The following FAR2 variants were observed in gnomAD, a reference collection of about 807,000 sequenced individuals.
FAR2 encodes the protein fatty acyl-CoA reductase 2.
FAR2 carries 19 observed loss-of-function variants against 56.0 expected under a neutral mutation model. That is an observed-to-expected ratio of 0.34 (90% CI 0.24 to 0.50). FAR2 has a LOEUF of 0.50. Among genes scored for constraint, FAR2 ranks in the 20% least tolerant of loss-of-function variants. The pLI, the probability that FAR2 is intolerant of heterozygous loss-of-function variation, is 0.98. For missense variants in FAR2, 508 were observed against 642.2 expected, an observed-to-expected ratio of 0.79 and a Z score of 2.26; for synonymous variants, 219 against 218.8, an observed-to-expected ratio of 1.00 and a Z score of -0.01.
chr12:29,177,150 A>G (rs1206735124), intron 1 of FAR2, among the ~76,000 whole-genome samples: 1 of 152,242 alleles, frequency 6.6e-6, no homozygotes, highest in Non-Finnish European at 1.5e-5. Context: ...GAATGATGCA[A>G]CAGGAAATGG....
At chr12:29,280,909 G>A (rs574448026) in intron 2 of FAR2, 1 of 152,336 alleles carries the variant, frequency 6.6e-6, no homozygotes, top group South Asian at 2.1e-4. Context: ...GCATAGCTGT[G>A]TGTCCAGGAG....
chr12:29,246,284 GGA>G (rs1425547377), intron 1 of FAR2, among the ~76,000 whole-genome samples: 2 of 151,734 alleles, frequency 1.3e-5, no homozygotes, highest in Non-Finnish European at 2.9e-5. Context: ...TTTTAACACT[GGA>G]AAGCAAGAAC....
At chr12:29,326,463 A>T (rs1486858172) in intron 10 of FAR2, among the ~76,000 whole-genome samples, 2 of 152,210 alleles carry the variant, frequency 1.3e-5, no homozygotes, top group East Asian at 3.8e-4. Context: ...AGAGAATTTT[A>T]GACCAATATC....
intron 1 of FAR2, among the ~76,000 whole-genome samples, chr12:29,198,885 A>G (rs2136614313): frequency 6.6e-6 from 1 of 152,030 alleles, no homozygotes; most frequent in East Asian, 1.9e-4. Context: ...TTTCTCTTCT[A>G]TTTGACCTCT....
intron 8 of FAR2, among the ~76,000 whole-genome samples, chr12:29,312,686 G>A (rs1949374166): frequency 6.6e-6 from 1 of 152,176 alleles, no homozygotes; most frequent in Non-Finnish European, 1.5e-5. Context: ...TGGAAATAGA[G>A]TTGAGTACAA....
chr12:29,168,123 G>A (rs562121826), intron 1 of FAR2, among the ~76,000 whole-genome samples: 96 of 152,180 alleles, frequency 6.3e-4, no homozygotes, highest in Non-Finnish European at 1.2e-3. Flanking sequence ...AGTAAACACA[G>A]ATGCCAGGGA....
chr12:29,254,587 A>T (rs1565490054), intron 1 of FAR2, among the ~76,000 whole-genome samples: 1 of 152,168 alleles, frequency 6.6e-6, no homozygotes, highest in Non-Finnish European at 1.5e-5. Context: ...GTGTGTGAAA[A>T]CCAAGAACTA....
chr12:29,223,364 AC>A (rs1472127519), intron 1 of FAR2, among the ~76,000 whole-genome samples: 1 of 152,236 alleles, frequency 6.6e-6, no homozygotes, highest in Non-Finnish European at 1.5e-5. Flanking sequence ...AATTGGGATG[AC>A]ATTCATTTGT....
intron 1 of FAR2, among the ~76,000 whole-genome samples, chr12:29,202,286 G>A (rs538852210): frequency 9.9e-5 from 15 of 152,194 alleles, no homozygotes; most frequent in Middle Eastern, 3.4e-3. Flanking sequence ...ATCACCACAT[G>A]GTTATATTTT....
intron 10 of FAR2, among the ~76,000 whole-genome samples, chr12:29,325,387 G>A (rs572441987): frequency 6.6e-6 from 1 of 152,252 alleles, no homozygotes; most frequent in African/African-American, 2.4e-5. Context: ...ACTCAGCTCT[G>A]CACCAAGCAG....
intron 1 of FAR2, among the ~76,000 whole-genome samples, chr12:29,263,414 TA>T (rs1393533940): frequency 6.6e-6 from 1 of 152,038 alleles, no homozygotes. Context: ...AAACAGGTCT[TA>T]AAACATTTTA....
intron 1 of FAR2, among the ~76,000 whole-genome samples, chr12:29,155,471 C>T (rs1949718576): frequency 6.6e-6 from 1 of 152,218 alleles, no homozygotes; most frequent in African/African-American, 2.4e-5. Context: ...AGAATTCTTC[C>T]TTGGCTTCAT....
rs572759361 is a variant in FAR2 at position 29,234,099 on chromosome 12, G to A, written c.-38-36313G>A. Reference sequence around the variant, plus strand: ...CGCTCCTTGTAGGCTCTTCCTCTTCGATCTGTCCCTTAAATATTGGTATGA... The same window carrying A: ...CGCTCCTTGTAGGCTCTTCCTCTTCAATCTGTCCCTTAAATATTGGTATGA... On this transcript the variant is annotated intron_variant, in intron 1 of 11. Transcript: ENST00000536681. Among the ~76,000 whole-genome samples the A allele has an allele frequency of 7.6e-4, 115 of 151,958 alleles. 1 individual carries two copies. The highest frequency in any genetic ancestry group is 6.8e-3 in the Middle Eastern group (2 of 292).
At position 29,268,176 on chromosome 12, in the gene FAR2, C is replaced by T. The variant is rs964034579; in HGVS notation, c.-38-2236C>T. Among the ~76,000 whole-genome samples the T allele has an allele frequency of 1.1e-4, 16 of 152,142 alleles. 1 individual carries two copies. Among genetic ancestry groups the T allele is most frequent in the African/African-American group, 3.9e-4 (16 of 41,426 alleles). ...AGAGTTGGAGAGCAGGGTGTTGACA[C>T]TTCTAGTTGTTTTTTTCTTCTTTAT... On this transcript the variant is annotated intron_variant, in intron 1 of 11. Coordinates refer to ENST00000536681, the MANE Select transcript of FAR2 (RefSeq NM_001271783.2).
At chr12:29,283,793 A>G (rs759905623) in intron 2 of FAR2, among the ~76,000 whole-genome samples, 2 of 152,204 alleles carry the variant, frequency 1.3e-5, no homozygotes, top group Non-Finnish European at 2.9e-5. Context: ...ACTTATGGAA[A>G]ATATGCTCAT....
chr12:29,204,954 A>G (rs1048999568), intron 1 of FAR2, among the ~76,000 whole-genome samples: 30 of 152,176 alleles, frequency 2.0e-4, no homozygotes, highest in Admixed American at 1.9e-3. Context: ...TTATAATTCA[A>G]CATGAGATTT....
chr12:29,252,062 G>A (rs906902892), intron 1 of FAR2, among the ~76,000 whole-genome samples: 1 of 152,096 alleles, frequency 6.6e-6, no homozygotes, highest in Admixed American at 6.6e-5. Flanking sequence ...ACTGCCACTG[G>A]AAACTTTGAG....
chr12:29,203,978 A>G (rs557851703), intron 1 of FAR2, among the ~76,000 whole-genome samples: 2 of 128,856 alleles, frequency 1.6e-5, no homozygotes, highest in African/African-American at 5.7e-5. Flanking sequence ...CCAGCCTGGG[A>G]GAGAGAGTGA....
chr12:29,308,711 C>CATATATATATATATATATATAT (rs1428729903), intron 5 of FAR2, among the ~76,000 whole-genome samples: 2 of 109,784 alleles, frequency 1.8e-5, no homozygotes, highest in Admixed American at 8.3e-5. Context: ...CACACACACA[C>CATATATATATATATATATATAT]ACACACACAT....
Sources: allele counts gnomAD v4.1 joint callset (sites outside exome capture counted in the v4.1 genomes callset), GRCh38; gene constraint gnomAD v4.1.1; transcripts MANE v1.5; gene names NCBI Gene and HGNC (gene_info 2026-07-23, HGNC 2026-07-21).